PKP4: variants seen among roughly 807,000 people sequenced by gnomAD.
PKP4 encodes plakophilin 4.
A neutral mutation model predicts 145.1 loss-of-function variants in PKP4; 90 were observed. The observed-to-expected ratio is 0.62, with a 90% CI of 0.52 to 0.74. The LOEUF (loss-of-function observed/expected upper bound fraction) is 0.74, where lower values mean the gene tolerates loss of function less well. Among genes scored for constraint, PKP4 ranks in the 30% least tolerant of loss-of-function variants. PKP4 has a pLI of 0.00. For synonymous variants in PKP4, 563 were observed against 577.2 expected (o/e 0.98, Z 0.35); for missense variants, 1,340 against 1,482.7 (o/e 0.90, Z 1.58).
chr2:158,468,345 A>G (rs1690983292), intron 1 of PKP4, among the ~76,000 whole-genome samples: 4 of 152,220 alleles, frequency 2.6e-5, no homozygotes. Flanking sequence ...CTGTTTTACA[A>G]ATAGTACTTC....
At chr2:158,655,949 T>A (rs1281297189) in intron 11 of PKP4, among the ~76,000 whole-genome samples, 2 of 152,220 alleles carry the variant, frequency 1.3e-5, no homozygotes, top group Admixed American at 6.5e-5. Context: ...CCCAACTCTG[T>A]CTTCTGTTTT....
intron 15 of PKP4, among the ~76,000 whole-genome samples, chr2:158,663,729 C>T (rs760984905): frequency 3.9e-5 from 6 of 152,040 alleles, no homozygotes; most frequent in Admixed American, 6.5e-5. Flanking sequence ...GCTGTGGGGT[C>T]CTGAAAGAAG....
At chr2:158,621,894 T>A (rs1000112044) in intron 6 of PKP4, among the ~76,000 whole-genome samples, 2 of 152,236 alleles carry the variant, frequency 1.3e-5, no homozygotes, top group Admixed American at 1.3e-4. Flanking sequence ...GATACAATGT[T>A]AAATATGTTT....
At chr2:158,576,155 T>C (rs961373548) in intron 2 of PKP4, among the ~76,000 whole-genome samples, 4 of 152,200 alleles carry the variant, frequency 2.6e-5, no homozygotes, top group African/African-American at 9.6e-5. Flanking sequence ...GCTTGTGGAA[T>C]TTGCAGAGCC....
chr2:158,486,942 T>G (rs1279583079), intron 1 of PKP4, among the ~76,000 whole-genome samples: 2 of 152,224 alleles, frequency 1.3e-5, no homozygotes, highest in Non-Finnish European at 2.9e-5. Context: ...ACAGAATGAT[T>G]ACAGTCAGAA....
chr2:158,605,013 G>A (rs965523402), intron 4 of PKP4, among the ~76,000 whole-genome samples: 3 of 152,154 alleles, frequency 2.0e-5, no homozygotes, highest in African/African-American at 4.8e-5. Context: ...GGCGGACAGA[G>A]GGAGTCAGGT....
At chr2:158,551,997 T>C (rs1407252408) in intron 2 of PKP4, among the ~76,000 whole-genome samples, 3 of 152,218 alleles carry the variant, frequency 2.0e-5, no homozygotes, top group South Asian at 2.1e-4. Flanking sequence ...ATAAACGTTA[T>C]CTTATTTCAA....
chr2:158,616,657 C>A (rs186797820), intron 4 of PKP4, among the ~76,000 whole-genome samples: 1 of 152,112 alleles, frequency 6.6e-6, no homozygotes, highest in African/African-American at 2.4e-5. Context: ...GGGCAAACCC[C>A]TAAACACCAT....
chr2:158,622,576 A>G (rs1325015860), intron 6 of PKP4, among the ~76,000 whole-genome samples: 1 of 152,184 alleles, frequency 6.6e-6, no homozygotes, highest in Non-Finnish European at 1.5e-5. Context: ...GTACACAGCA[A>G]TGGGTCACGG....
intron 3 of PKP4, among the ~76,000 whole-genome samples, chr2:158,590,687 A>G (rs2108216): frequency 0.71 from 108,384 of 151,970 alleles, 39,917 homozygotes; most frequent in Non-Finnish European, 0.8. Context: ...TGAACATGAA[A>G]CAAAGGGAGA....
chr2:158,532,380 A>G (rs1199573665), intron 1 of PKP4, among the ~76,000 whole-genome samples: 1 of 152,220 alleles, frequency 6.6e-6, no homozygotes. Flanking sequence ...TTATTTAGCA[A>G]ACATTAATTG....
intron 2 of PKP4, among the ~76,000 whole-genome samples, chr2:158,552,205 G>A (rs938611903): frequency 1.3e-5 from 2 of 152,228 alleles, no homozygotes; most frequent in Non-Finnish European, 2.9e-5. Flanking sequence ...TGTCCCCAGA[G>A]CCTGTAAGGG....
intron 2 of PKP4, among the ~76,000 whole-genome samples, chr2:158,551,663 T>A (rs1380346223): frequency 6.6e-6 from 1 of 152,242 alleles, no homozygotes; most frequent in Non-Finnish European, 1.5e-5. Context: ...TTTAAATCTT[T>A]GCAACTATTT....
chr2:158,495,291 C>A lies in PKP4; in HGVS notation c.-5-37889C>A, dbSNP rs149570187. 1.3e-5 allele frequency among the ~76,000 whole-genome samples: 2 copies of A among 150,636 alleles called. 1 individual carries two copies. Among genetic ancestry groups the A allele is most frequent in the Non-Finnish European group, 2.9e-5 (2 of 67,806 alleles). ...ACAAACACTGGAAAGAATGATAAAACCTCATGTGGATGAGCGTTGGCAAGT... is the reference window on the plus strand; with the variant it reads ...ACAAACACTGGAAAGAATGATAAAAACTCATGTGGATGAGCGTTGGCAAGT... On this transcript the variant is annotated intron_variant, in intron 1 of 21. Transcript: ENST00000389759.
chr2:158,550,140 A>G (rs530778784), intron 2 of PKP4, among the ~76,000 whole-genome samples: 2 of 151,982 alleles, frequency 1.3e-5, no homozygotes, highest in South Asian at 4.2e-4. Context: ...TTCTGCCAAG[A>G]AGAAGTTAAA....
At chr2:158,609,747 A>G (rs2050968687) in intron 4 of PKP4, among the ~76,000 whole-genome samples, 1 of 152,200 alleles carries the variant, frequency 6.6e-6, no homozygotes, top group African/African-American at 2.4e-5. Context: ...TTTTCTAAGG[A>G]AGAGCTTAGG....
Position 158,484,170 on chromosome 2 carries a change from C to G in PKP4, c.-6+26952C>G, listed in dbSNP as rs370581034. On this transcript the variant is annotated intron_variant, in intron 1 of 21. Coordinates refer to ENST00000389759, the MANE Select transcript of PKP4 (RefSeq NM_003628.6). ...TCACGCCATTCTCCTGCCTCAGCCTCCCGAGTAGCTGGGACTACAGGCGCC... is the reference window on the plus strand; with the variant it reads ...TCACGCCATTCTCCTGCCTCAGCCTGCCGAGTAGCTGGGACTACAGGCGCC... Among the ~76,000 whole-genome samples the G allele has an allele frequency of 7.1e-3, 1,077 of 152,116 alleles. 14 individuals are homozygous for G. The highest frequency in any genetic ancestry group is 0.025 in the African/African-American group (1,025 of 41,476).
At chr2:158,602,038 G>C (rs528932852) in intron 3 of PKP4, among the ~76,000 whole-genome samples, 14 of 151,976 alleles carry the variant, frequency 9.2e-5, no homozygotes, top group African/African-American at 3.4e-4. Context: ...TTTTTAAAAG[G>C]AAAAAAGGTA....
chr2:158,523,360 C>CCCA (rs36142539), intron 1 of PKP4, among the ~76,000 whole-genome samples: 17 of 116,742 alleles, frequency 1.5e-4, no homozygotes, highest in Admixed American at 7.6e-4. Flanking sequence ...GGCACCCCCC[C>CCCA]AGCAGGGGCA....
Sources: gnomAD v4.1 joint callset for allele counts (sites outside exome capture counted in the v4.1 genomes callset) on GRCh38, gnomAD v4.1.1 for gene constraint, MANE v1.5 for transcripts, NCBI Gene and HGNC (gene_info 2026-07-23, HGNC 2026-07-21) for gene names.